The following SPSB4 variants were observed in gnomAD, a reference collection of about 807,000 sequenced individuals.
SPSB4 encodes SPRY domain-containing SOCS box protein 4.
SPSB4 carries 21 observed loss-of-function variants against 20.9 expected under a neutral mutation model. The observed-to-expected ratio is 1.01, with a 90% CI of 0.71 to 1.45. The LOEUF is 1.45. SPSB4 is among the 40% of genes most tolerant of loss of function. The pLI, the probability that SPSB4 is intolerant of heterozygous loss-of-function variation, is 0.00. For synonymous variants in SPSB4, 207 were observed against 183.8 expected, an observed-to-expected ratio of 1.13 and a Z score of -1.02; for missense variants, 399 against 399.2, an observed-to-expected ratio of 1.00 and a Z score of 0.00.
chr3:141,117,243 C>G (rs941070058), intron 2 of SPSB4: 1 of 152,260 alleles, frequency 6.6e-6, no homozygotes, highest in Admixed American at 6.5e-5. Flanking sequence ...GCACTCCCCA[C>G]GAGGCAGGTG....
chr3:141,099,248 G>A lies in SPSB4; in HGVS notation c.694+32450G>A, dbSNP rs371309097. Among the ~76,000 whole-genome samples, 18 of 150,646 alleles carry A rather than the reference G, an allele frequency of 1.2e-4. No homozygotes were observed. In the East Asian group the frequency reaches 2.5e-3, roughly 21 times the overall value. On this transcript the variant is annotated intron_variant, in intron 2 of 2. Coordinates refer to ENST00000310546, the MANE Select transcript of SPSB4 (RefSeq NM_080862.3). ...CGCCCAGGCTGGAGTGCAGTGGCGC[G>A]ATCTCGACTCACTGCAAGCTCTGCC... is the stretch of plus-strand genomic sequence containing the variant.
At chr3:141,114,207 C>T (rs1462983250) in intron 2 of SPSB4, among the ~76,000 whole-genome samples, 1 of 152,200 alleles carries the variant, frequency 6.6e-6, no homozygotes, top group Non-Finnish European at 1.5e-5. Context: ...CAGCTGTGTT[C>T]ATGTGGAAAA....
chr3:141,063,966 C>G (rs1290794653), intron 1 of SPSB4, among the ~76,000 whole-genome samples: 2 of 152,254 alleles, frequency 1.3e-5, no homozygotes, highest in Non-Finnish European at 2.9e-5. Flanking sequence ...CTCTGCCTTG[C>G]CAACACACTG....
intron 2 of SPSB4, among the ~76,000 whole-genome samples, chr3:141,121,203 T>A (rs1301186829): frequency 6.6e-6 from 1 of 152,228 alleles, no homozygotes; most frequent in Non-Finnish European, 1.5e-5. Flanking sequence ...AATTCTGGGT[T>A]GAAAATTCTT....
At chr3:141,129,243 C>G (rs1939097485) in intron 2 of SPSB4, among the ~76,000 whole-genome samples, 1 of 152,228 alleles carries the variant, frequency 6.6e-6, no homozygotes, top group African/African-American at 2.4e-5. Flanking sequence ...TTCAGCTTCT[C>G]TATTGGACCT....
intron 2 of SPSB4, among the ~76,000 whole-genome samples, chr3:141,097,010 A>G (rs1938555342): frequency 6.6e-6 from 1 of 152,042 alleles, no homozygotes; most frequent in African/African-American, 2.4e-5. Context: ...TCCTCAATCT[A>G]TTGTCTTTGT....
intron 2 of SPSB4, among the ~76,000 whole-genome samples, chr3:141,107,879 C>CAGG (rs899926686): frequency 6.6e-6 from 1 of 151,560 alleles, no homozygotes; most frequent in Non-Finnish European, 1.5e-5. Flanking sequence ...CACTTGAACG[C>CAGG]AGGAGGTGGA....
At chr3:141,075,904 A>G (rs1479201217) in intron 2 of SPSB4, among the ~76,000 whole-genome samples, 1 of 150,742 alleles carries the variant, frequency 6.6e-6, no homozygotes, top group African/African-American at 2.4e-5. Flanking sequence ...AAAAAAAAAA[A>G]AAAAAAAAAA....
At chr3:141,095,650 G>A (rs1938535908) in intron 2 of SPSB4, among the ~76,000 whole-genome samples, 1 of 152,188 alleles carries the variant, frequency 6.6e-6, no homozygotes, top group Non-Finnish European at 1.5e-5. Context: ...CCAGGACCTG[G>A]ACCCCTTGTG....
rs555546887 is a variant in SPSB4, at chr3:141,107,878, G to A, written c.695-39264G>A. Among the ~76,000 whole-genome samples the A allele has an allele frequency of 4.6e-5, 7 of 152,012 alleles. No individual in the cohort carries two copies. In the South Asian group the frequency reaches 1.2e-3, roughly 27 times the overall value. On this transcript the variant is annotated intron_variant, in intron 2 of 2. Coordinates refer to ENST00000310546, the MANE Select transcript of SPSB4 (RefSeq NM_080862.3). ...GCTGAGGCACGAACATCACTTGAAC[G>A]CAGGAGGTGGAGGTTGCAGTGAACC... is the stretch of plus-strand genomic sequence containing the variant.
In SPSB4 at chr3:141,095,779, G is replaced by A. The variant is rs75217136; in HGVS notation, c.694+28981G>A. ...GGGCAGAGGTACTGTCCCAGGATGA[G>A]GGAGGCCCAGGGAGGAGATGTGGCA... is the stretch of plus-strand genomic sequence containing the variant. On this transcript the variant is annotated intron_variant, in intron 2 of 2. Coordinates refer to ENST00000310546, the MANE Select transcript of SPSB4 (RefSeq NM_080862.3). Among the ~76,000 whole-genome samples the A allele has an allele frequency of 5.6e-3, 846 of 152,288 alleles. 6 individuals are homozygous for A. Among genetic ancestry groups the A allele is most frequent in the African/African-American group, 0.019 (796 of 41,546 alleles).
At chr3:141,112,383 C>T (rs1259579821) in intron 2 of SPSB4, among the ~76,000 whole-genome samples, 4 of 152,096 alleles carry the variant, frequency 2.6e-5, no homozygotes, top group Non-Finnish European at 4.4e-5. Flanking sequence ...CGGTGGCTCA[C>T]GCCTGTAATC....
chr3:141,093,013 C>T (rs1938484040), intron 2 of SPSB4, among the ~76,000 whole-genome samples: 1 of 152,122 alleles, frequency 6.6e-6, no homozygotes, highest in Non-Finnish European at 1.5e-5. Context: ...TGGTTGCTGG[C>T]CTGCAGTACA....
intron 2 of SPSB4, 63 bp from the exon 3 acceptor site, chr3:141,147,079 G>A (rs1939425624): frequency 3.7e-6 from 6 of 1,600,892 alleles, no homozygotes; most frequent in Admixed American, 3.4e-5. Flanking sequence ...TGCAGTGGGG[G>A]CTGGGATGAG....
At chr3:141,064,297 T>C (rs1043913251) in intron 1 of SPSB4, among the ~76,000 whole-genome samples, 1 of 152,256 alleles carries the variant, frequency 6.6e-6, no homozygotes. Context: ...TGTTCTAGTT[T>C]GCTGAAGAAG....
chr3:141,129,710 A>G (rs1165167966), intron 2 of SPSB4, among the ~76,000 whole-genome samples: 1 of 152,194 alleles, frequency 6.6e-6, no homozygotes, highest in African/African-American at 2.4e-5. Context: ...ACAGCCCCAC[A>G]CGGTTCAGCT....
At chr3:141,128,382 C>CT (rs1939081255) in intron 2 of SPSB4, among the ~76,000 whole-genome samples, 1 of 152,116 alleles carries the variant, frequency 6.6e-6, no homozygotes, top group African/African-American at 2.4e-5. Flanking sequence ...CTGACAAACA[C>CT]TGGGCCAGTG....
intron 2 of SPSB4, chr3:141,077,576 G>A (rs191912861): frequency 2.6e-5 from 4 of 152,496 alleles, no homozygotes; most frequent in Admixed American, 2.6e-4. Context: ...TCATGAGGAG[G>A]TCCCAGGGTG....
At chr3:141,137,664 G>C (rs529615920) in intron 2 of SPSB4, among the ~76,000 whole-genome samples, 71 of 152,238 alleles carry the variant, frequency 4.7e-4, no homozygotes, top group African/African-American at 1.6e-3. Flanking sequence ...TTGAACCAGC[G>C]TTGCATCCCA....
Sources: allele counts gnomAD v4.1 joint callset (sites outside exome capture counted in the v4.1 genomes callset), GRCh38; gene constraint gnomAD v4.1.1; transcripts MANE v1.5; gene names NCBI Gene and HGNC (gene_info 2026-07-23, HGNC 2026-07-21).